Variants in PTPRT observed in about 807,000 individuals in gnomAD.
PTPRT encodes the protein receptor-type tyrosine-protein phosphatase T.
Under a neutral mutation model 176.8 loss-of-function variants are expected in PTPRT, and 56 were observed. The ratio of observed to expected loss-of-function variants is 0.32; its 90% CI spans 0.26 to 0.40. The LOEUF is 0.40. Ranked by LOEUF, PTPRT falls within the 10% of genes least tolerant of loss-of-function variation. The probability of loss-of-function intolerance (pLI) is 1.00; values close to 1 mark genes in which losing one functional copy is unlikely to be tolerated. For synonymous variants in PTPRT, 783 were observed against 739.0 expected (o/e 1.06, Z -0.96); for missense variants, 1,540 against 1,908.2 (o/e 0.81, Z 3.60).
chr20:42,164,078 T>C (rs970474132), intron 16 of PTPRT, among the ~76,000 whole-genome samples: 1 of 152,232 alleles, frequency 6.6e-6, no homozygotes, highest in Non-Finnish European at 1.5e-5. Flanking sequence ...AGTCATGCCA[T>C]ACTCTATGAT....
intron 1 of PTPRT, among the ~76,000 whole-genome samples, chr20:43,118,495 A>T (rs2146354584): frequency 6.6e-6 from 1 of 152,282 alleles, no homozygotes; most frequent in Admixed American, 6.5e-5. Flanking sequence ...TGGAGTGTAC[A>T]GTGGCTCGAT....
intron 17 of PTPRT, among the ~76,000 whole-genome samples, chr20:42,161,019 G>T (rs989954507): frequency 1.3e-5 from 2 of 152,144 alleles, no homozygotes; most frequent in Admixed American, 1.3e-4. Flanking sequence ...AGTGAATGGA[G>T]GTGAGACTCC....
At chr20:42,062,005 C>T in the PTPRT span, among the ~76,000 whole-genome samples, 1 of 152,192 alleles carries the variant, frequency 6.6e-6, no homozygotes, top group East Asian at 1.9e-4. Flanking sequence ...GGCTGGCTAA[C>T]AGAGGTCCCA....
At chr20:42,106,958 TGGG>T in intron 23 of PTPRT, 37 bp from the exon 24 acceptor site, 1 of 1,604,348 alleles carries the variant, frequency 6.2e-7, no homozygotes, top group Non-Finnish European at 8.5e-7. Context: ...AGGATCTTCA[TGGG>T]GGGAACCTGC....
At chr20:42,657,873 T>G (rs758650309) in intron 7 of PTPRT, among the ~76,000 whole-genome samples, 1 of 152,136 alleles carries the variant, frequency 6.6e-6, no homozygotes, top group Non-Finnish European at 1.5e-5. Flanking sequence ...AGTTTCTTCA[T>G]TAATGAATTA....
At chr20:42,070,002 G>T (rs966330846), downstream of PTPRT, among the ~76,000 whole-genome samples, 1 of 152,162 alleles carries the variant, frequency 6.6e-6, no homozygotes, top group South Asian at 2.1e-4. Context: ...AGCCACTCAG[G>T]CCAAGCCTTT....
chr20:42,352,283 G>A lies in PTPRT; in HGVS notation c.1563C>T (p.Ile521=), dbSNP rs2145525864. ...CCAGCGAGCCGACAGCCTTGTAGTT[G>A]ATCTGTAGGACAAGCCAGCAAACAA... The part of the protein sequence containing the change: ...ETNGVITLYE[I]NYKAVGSLDP... The change falls in exon 10 of 31, where the codon ATC becomes ATT. Residue 521 remains isoleucine, a splice_region_variant and synonymous_variant. Coordinates refer to ENST00000373187, the MANE Select transcript of PTPRT (RefSeq NM_007050.6). 1 of 1,614,080 alleles carries A rather than the reference G, an allele frequency of 6.2e-7. No homozygotes were observed. The highest frequency in any genetic ancestry group is 8.5e-7 in the Non-Finnish European group (1 of 1,179,996).
intron 7 of PTPRT, among the ~76,000 whole-genome samples, chr20:42,513,412 T>G (rs1222018614): frequency 6.6e-6 from 1 of 152,210 alleles, no homozygotes; most frequent in Non-Finnish European, 1.5e-5. Context: ...TTCACACAGA[T>G]TAACAAACAT....
At chr20:42,635,984 T>C (rs2074589258) in intron 7 of PTPRT, among the ~76,000 whole-genome samples, 1 of 152,192 alleles carries the variant, frequency 6.6e-6, no homozygotes, top group African/African-American at 2.4e-5. Context: ...GGACTCTTTC[T>C]TTGGCTTTTA....
the PTPRT span, among the ~76,000 whole-genome samples, chr20:42,046,001 T>G: frequency 6.6e-6 from 1 of 152,184 alleles, no homozygotes; most frequent in Non-Finnish European, 1.5e-5. Context: ...CCCAAGGCTA[T>G]GTCTAAAGGG....
At chr20:42,866,032 C>A (rs114621513) in intron 2 of PTPRT, among the ~76,000 whole-genome samples, 1 of 152,320 alleles carries the variant, frequency 6.6e-6, no homozygotes, top group Admixed American at 6.5e-5. Flanking sequence ...TTCTCAAGAT[C>A]AATGTACTAA....
chr20:43,100,171 C>T (rs2012335568), intron 1 of PTPRT, among the ~76,000 whole-genome samples: 2 of 152,094 alleles, frequency 1.3e-5, no homozygotes, highest in African/African-American at 4.8e-5. Context: ...AGATCAGGAG[C>T]TCAAGACAAG....
chr20:43,013,666 GAAGAA>G (rs891615603), intron 1 of PTPRT, among the ~76,000 whole-genome samples: 1 of 152,140 alleles, frequency 6.6e-6, no homozygotes, highest in Non-Finnish European at 1.5e-5. Flanking sequence ...ACTCCTTGAA[GAAGAA>G]AAGGGAGAAC....
chr20:42,226,644 G>GT (rs779669879), intron 15 of PTPRT, among the ~76,000 whole-genome samples: 10 of 152,300 alleles, frequency 6.6e-5, no homozygotes, highest in Non-Finnish European at 1.2e-4. Flanking sequence ...AGCTCTAGCT[G>GT]TAAGAGTCCT....
chr20:42,977,908 ATAAT>A (rs1470977499), intron 1 of PTPRT, among the ~76,000 whole-genome samples: 2 of 152,250 alleles, frequency 1.3e-5, no homozygotes, highest in African/African-American at 2.4e-5. Flanking sequence ...GAATGGAATT[ATAAT>A]AGTCCTCCCT....
chr20:42,403,723 G>T (rs981968600), intron 9 of PTPRT, among the ~76,000 whole-genome samples: 4 of 152,204 alleles, frequency 2.6e-5, no homozygotes, highest in Non-Finnish European at 5.9e-5. Flanking sequence ...TGGACCTGTG[G>T]GTCTCTGCTT....
intron 2 of PTPRT, among the ~76,000 whole-genome samples, chr20:42,885,236 A>G (rs1263724765): frequency 1.4e-5 from 2 of 147,288 alleles, no homozygotes; most frequent in Non-Finnish European, 3.0e-5. Flanking sequence ...ATTATATAAT[A>G]TATATACTAT....
At chr20:43,187,477 A>G (rs76758158) in intron 1 of PTPRT, among the ~76,000 whole-genome samples, 6,446 of 151,660 alleles carry the variant, frequency 0.043, 189 homozygotes, top group Non-Finnish European at 0.066. Context: ...AACCCTGGGG[A>G]AAAAAAATCT....
intron 2 of PTPRT, among the ~76,000 whole-genome samples, chr20:42,816,320 G>A (rs1569172343): frequency 6.6e-6 from 1 of 152,200 alleles, no homozygotes; most frequent in Non-Finnish European, 1.5e-5. Flanking sequence ...AGATATGCTC[G>A]AGTCCAGCAG....
Sources: allele counts gnomAD v4.1 joint callset (sites outside exome capture counted in the v4.1 genomes callset), GRCh38; gene constraint gnomAD v4.1.1; transcripts MANE v1.5; gene names NCBI Gene and HGNC (gene_info 2026-07-23, HGNC 2026-07-21).